SNX19: variants seen among roughly 807,000 people sequenced by gnomAD.
The protein encoded by SNX19 is sorting nexin 19.
SNX19 carries 60 observed loss-of-function variants against 85.2 expected under a neutral mutation model. The ratio of observed to expected loss-of-function variants is 0.70; its 90% CI spans 0.57 to 0.87. The LOEUF (loss-of-function observed/expected upper bound fraction) is 0.87, where lower values mean the gene tolerates loss of function less well. Ranked by LOEUF, SNX19 falls within the 40% of genes least tolerant of loss-of-function variation. The pLI is 0.00. For missense variants in SNX19, 1,201 were observed against 1,217.8 expected, an observed-to-expected ratio of 0.99 and a Z score of 0.21; for synonymous variants, 520 against 470.0, an observed-to-expected ratio of 1.11 and a Z score of -1.38.
Position 130,914,897 on chromosome 11 carries a change from T to C in SNX19, c.1043A>G (p.Lys348Arg). ...GAAATGAGATGAGTTGTTTCCTACT[T>C]TTCTTTCTTCACACATCCCACCCAA... Reference protein sequence around the residue: ...GDLGGMCEERKVGNNSSHFLQ... With the variant: ...GDLGGMCEERRVGNNSSHFLQ... The change falls in exon 1 of 11, where the codon AAA (lysine) becomes AGA (arginine). Residue 348 changes from lysine (K) to arginine (R), a missense_variant. Transcript: ENST00000265909. The C allele has an allele frequency of 6.2e-7, 1 of 1,614,206 alleles. No individual in the cohort carries two copies. The highest frequency in any genetic ancestry group is 8.5e-7 in the Non-Finnish European group (1 of 1,180,042).
rs575958980 is a variant in SNX19, at chr11:130,900,124, T to C, written c.2573+3131A>G. 2.4e-4 allele frequency among the ~76,000 whole-genome samples: 37 copies of C among 152,230 alleles called. No homozygotes were observed. The East Asian group carries it at 3.5e-3, about 14-fold the overall frequency. The stretch of plus-strand genomic sequence containing the variant: ...AGGTGAGGAACTTGCCTGGGCAACA[T>C]AGTGAGACCCCATCTCAACCAAAAA... On this transcript the variant is annotated intron_variant, in intron 8 of 10. Transcript: ENST00000265909.
intron 4 of SNX19, among the ~76,000 whole-genome samples, chr11:130,909,463 G>A (rs1308471813): frequency 6.6e-6 from 1 of 152,208 alleles, no homozygotes; most frequent in African/African-American, 2.4e-5. Context: ...GCTCATATCA[G>A]TTGGTAATCA....
At chr11:130,896,631 G>A (rs1000621679) in intron 8 of SNX19, among the ~76,000 whole-genome samples, 3 of 152,144 alleles carry the variant, frequency 2.0e-5, no homozygotes, top group Non-Finnish European at 4.4e-5. Context: ...GAATCTTAAG[G>A]TGTGGTTGTT....
Position 130,871,360 on chromosome 11 carries a change from G to C in SNX19, c.*7062C>G, listed in dbSNP as rs1346878580. 6.6e-6 allele frequency among the ~76,000 whole-genome samples: 1 copy of C among 152,110 alleles called. No homozygotes were observed. The highest frequency in any genetic ancestry group is 1.9e-4 in the East Asian group (1 of 5,184). On this transcript the variant is annotated 3_prime_UTR_variant, in exon 11 of 11. Transcript: ENST00000265909. ...CAGAGGGTAAACTTTAAACACAACTGCATAAAGTGGCAAGGAACTGGCCTG... is the reference window on the plus strand; with the variant it reads ...CAGAGGGTAAACTTTAAACACAACTCCATAAAGTGGCAAGGAACTGGCCTG...
intron 8 of SNX19, among the ~76,000 whole-genome samples, chr11:130,893,495 C>G (rs190636298): frequency 1.7e-4 from 26 of 152,114 alleles, no homozygotes; most frequent in Non-Finnish European, 3.1e-4. Flanking sequence ...CTATCATTAA[C>G]ACCATCACCT....
chr11:130,913,264 G>C (rs1245361290), intron 1 of SNX19, among the ~76,000 whole-genome samples: 3 of 152,136 alleles, frequency 2.0e-5, no homozygotes, highest in Non-Finnish European at 4.4e-5. Flanking sequence ...TCCAGAATTA[G>C]AACAAAAAGG....
intron 1 of SNX19, among the ~76,000 whole-genome samples, chr11:130,912,216 A>T (rs1287601280): frequency 6.6e-6 from 1 of 152,184 alleles, no homozygotes; most frequent in Non-Finnish European, 1.5e-5. Flanking sequence ...AGCAGATATA[A>T]ATCATTTGTT....
At chr11:130,884,284 G>C (rs1431984277) in intron 8 of SNX19, among the ~76,000 whole-genome samples, 1 of 152,162 alleles carries the variant, frequency 6.6e-6, no homozygotes, top group East Asian at 1.9e-4. Flanking sequence ...ATTGTTAAAA[G>C]GGGCAGAAGT....
Position 130,910,092 on chromosome 11 carries a change from C to T in SNX19, c.1960G>A (p.Glu654Lys). ...GCATCTGTGTTCAGAGCAAGGAACT[C>T]CTGCACCTCCTCACTGTTAGCGATC... ...PEIANSEEVQ[E>K]FLALNTDARI... is the part of the protein sequence containing the mutation. Residue 654 changes from glutamate (E) to lysine (K), a missense_variant, in exon 4 of 11, where the codon GAG (glutamate) becomes AAG (lysine). Around this residue, in one of 3 missense-constraint regions of SNX19, gnomAD observed 125 missense variants for 171.6 expected, o/e 0.73. Transcript: ENST00000265909. 6.2e-7 allele frequency: 1 copy of T among 1,614,124 alleles called. No homozygotes were observed. Among genetic ancestry groups the T allele is most frequent in the Non-Finnish European group, 8.5e-7 (1 of 1,180,018 alleles).
intron 8 of SNX19, chr11:130,894,697 A>G (rs1004857191): frequency 1.0e-6 from 1 of 985,356 alleles, no homozygotes; most frequent in Admixed American, 6.1e-5. Context: ...AGCAACACAC[A>G]TTCAGAAAGA....
chr11:130,869,676 G>C lies in SNX19; in HGVS notation c.*8746C>G, dbSNP rs1222467457. The stretch of plus-strand genomic sequence containing the variant: ...GTGTGAATAGTTTGCAACATATAAA[G>C]AATTGGTCAAAATGTTTATTCTTAG... On this transcript the variant is annotated 3_prime_UTR_variant, in exon 11 of 11. Transcript: ENST00000265909. 1 of 152,188 alleles carries C rather than the reference G, an allele frequency of 6.6e-6. No homozygotes were observed. Among genetic ancestry groups the C allele is most frequent in the African/African-American group, 2.4e-5 (1 of 41,448 alleles). The allele number at this position is 152,188 out of a possible 1,614,324, so 9.4% of individuals were successfully genotyped here.
At chr11:130,909,867 T>C (rs1026566191) in intron 4 of SNX19, 151 bp downstream of exon 4, 25 of 1,040,038 alleles carry the variant, frequency 2.4e-5, no homozygotes, top group Non-Finnish European at 3.2e-5. Context: ...GCAACAGGTC[T>C]TGACAATTTA....
chr11:130,908,341 A>C, intron 4 of SNX19: 4 of 278,666 alleles, frequency 1.4e-5, no homozygotes, highest in Non-Finnish European at 2.7e-5. Flanking sequence ...GCCAAAACCA[A>C]TAGTGAGAGA....
chr11:130,898,930 C>A (rs1449415359), intron 8 of SNX19, among the ~76,000 whole-genome samples: 2 of 152,060 alleles, frequency 1.3e-5, no homozygotes, highest in African/African-American at 2.4e-5. Flanking sequence ...AAGATCTGAT[C>A]CTGAAATTTA....
At chr11:130,899,257 C>T (rs1279440447) in intron 8 of SNX19, among the ~76,000 whole-genome samples, 2 of 152,210 alleles carry the variant, frequency 1.3e-5, no homozygotes, top group Non-Finnish European at 2.9e-5. Flanking sequence ...AACGTTTACA[C>T]TCTGAATGCT....
intron 9 of SNX19, 24 bp from the exon 10 acceptor site, chr11:130,879,735 A>G (rs1274817603): frequency 1.2e-6 from 2 of 1,604,622 alleles, no homozygotes; most frequent in East Asian, 4.5e-5. Context: ...AACAGATGGA[A>G]TTTGCGTGTT....
Position 130,903,386 on chromosome 11 carries a change from T to C in SNX19, c.2444-2A>G. The stretch of plus-strand genomic sequence containing the variant: ...TGTCAGCTAACTCTGTCTCTGTTCC[T>C]GAGGGATAAAATGGCATCAGGAGTA... On this transcript the variant is annotated splice_acceptor_variant, in intron 7 of 10. Transcript: ENST00000265909. LOFTEE classifies it high-confidence loss of function. The C allele has an allele frequency of 3.7e-6, 6 of 1,612,074 alleles. No individual in the cohort carries two copies. The highest frequency in any genetic ancestry group is 5.1e-6 in the Non-Finnish European group (6 of 1,179,736).
chr11:130,907,054 T>C (rs879252120), intron 5 of SNX19, among the ~76,000 whole-genome samples: 1 of 152,238 alleles, frequency 6.6e-6, no homozygotes, highest in Non-Finnish European at 1.5e-5. Context: ...AGGCACTCAT[T>C]AAAAATTTGC....
At chr11:130,911,278 C>T (rs1946104892) in intron 2 of SNX19, among the ~76,000 whole-genome samples, 1 of 151,254 alleles carries the variant, frequency 6.6e-6, no homozygotes, top group Non-Finnish European at 1.5e-5. Context: ...AAGAAGGTGG[C>T]AACAACTTCT....
Sources: gnomAD v4.1 joint callset for allele counts (sites outside exome capture counted in the v4.1 genomes callset) on GRCh38, gnomAD v4.1.1 for gene constraint, gnomAD v4.1.1 regional missense constraint, MANE v1.5 for transcripts, NCBI Gene and HGNC (gene_info 2026-07-23, HGNC 2026-07-21) for gene names.